Variants in IPO11 observed in about 807,000 individuals in gnomAD.
IPO11 encodes importin-11.
In IPO11, 66 loss-of-function variants were observed where a neutral mutation model predicts 143.2. The observed-to-expected ratio is 0.46, with a 90% confidence interval of 0.38 to 0.57. The LOEUF (loss-of-function observed/expected upper bound fraction) is 0.57. Ranked by LOEUF, IPO11 falls within the 20% of genes least tolerant of loss-of-function variation. The probability of loss-of-function intolerance (pLI) is 0.00; values close to 1 mark genes in which losing one functional copy is unlikely to be tolerated. For synonymous variants in IPO11, 385 were observed against 377.8 expected (o/e 1.02, Z -0.22); for missense variants, 1,026 against 1,141.0 (o/e 0.90, Z 1.45).
intron 24 of IPO11, among the ~76,000 whole-genome samples, chr5:62,541,855 A>G (rs1342524065): frequency 1.3e-5 from 2 of 152,202 alleles, no homozygotes; most frequent in African/African-American, 4.8e-5. Flanking sequence ...TATGTTACAG[A>G]TTAAGGCAAT....
chr5:62,524,248 A>G (rs557051064), intron 20 of IPO11, among the ~76,000 whole-genome samples: 2 of 152,096 alleles, frequency 1.3e-5, no homozygotes, highest in South Asian at 2.1e-4. Context: ...TGATTAAGAC[A>G]GTGTGTTATA....
At chr5:62,440,922 C>T (rs1490975891) in intron 2 of IPO11, among the ~76,000 whole-genome samples, 1 of 151,596 alleles carries the variant, frequency 6.6e-6, no homozygotes, top group African/African-American at 2.4e-5. Flanking sequence ...AAGATCGCGC[C>T]ACTGCACTCC....
At chr5:62,482,236 G>C (rs1039474134) in intron 9 of IPO11, among the ~76,000 whole-genome samples, 1 of 152,116 alleles carries the variant, frequency 6.6e-6, no homozygotes. Context: ...CAAAAAACCA[G>C]CTCCTGGATT....
intron 27 of IPO11, chr5:62,578,968 C>G: frequency 1.3e-5 from 3 of 239,236 alleles, no homozygotes; most frequent in Non-Finnish European, 2.5e-5. Context: ...GAACTTCTAG[C>G]TGACATGAAA....
intron 27 of IPO11, among the ~76,000 whole-genome samples, chr5:62,567,765 T>C (rs1345341693): frequency 2.6e-5 from 4 of 151,786 alleles, no homozygotes; most frequent in Non-Finnish European, 5.9e-5. Flanking sequence ...TTTAGCCATG[T>C]TGGTCAGGCT....
At chr5:62,566,033 G>A (rs1018625553) in intron 27 of IPO11, among the ~76,000 whole-genome samples, 9 of 152,140 alleles carry the variant, frequency 5.9e-5, no homozygotes, top group Non-Finnish European at 1.0e-4. Context: ...TATCACTGAT[G>A]GGCATTTGGG....
intron 29 of IPO11, among the ~76,000 whole-genome samples, chr5:62,615,632 A>G (rs1232975263): frequency 2.0e-5 from 3 of 152,232 alleles, no homozygotes; most frequent in Admixed American, 2.0e-4. Flanking sequence ...ATTAGCTTTT[A>G]TTAGTGATTC....
chr5:62,452,140 G>GGCTCACAGTGTAGAGCCTCTTGTTTGAGT (rs1744954912), intron 5 of IPO11, among the ~76,000 whole-genome samples: 2 of 144,568 alleles, frequency 1.4e-5, no homozygotes, highest in African/African-American at 2.9e-5. Context: ...AGCTACTCAG[G>GGCTCACAGTGTAGAGCCTCTTGTTTGAGT]AGGCTGAAGC....
At chr5:62,567,643 A>G (rs1260363017) in intron 27 of IPO11, among the ~76,000 whole-genome samples, 4 of 144,326 alleles carry the variant, frequency 2.8e-5, no homozygotes, top group Admixed American at 1.4e-4. Flanking sequence ...GCCCACTGCA[A>G]CCTCCGCCGC....
chr5:62,435,685 AC>A (rs1189790248), intron 1 of IPO11, among the ~76,000 whole-genome samples: 1 of 150,958 alleles, frequency 6.6e-6, no homozygotes. Context: ...AGATCGTGCC[AC>A]TGCACTCCAG....
At chr5:62,553,139 C>T (rs1743447357) in intron 26 of IPO11, among the ~76,000 whole-genome samples, 2 of 152,222 alleles carry the variant, frequency 1.3e-5, no homozygotes. Flanking sequence ...AGTCTAGTAA[C>T]CACTATTCTA....
chr5:62,516,215 T>A (rs937315181), intron 20 of IPO11, among the ~76,000 whole-genome samples: 7 of 152,218 alleles, frequency 4.6e-5, no homozygotes, highest in African/African-American at 1.7e-4. Context: ...CTAAAATTAG[T>A]TTAGAAAAAA....
intron 17 of IPO11, 58 bp from the exon 18 acceptor site, chr5:62,504,800 A>G (rs551201878): frequency 7.4e-7 from 1 of 1,344,808 alleles, no homozygotes; most frequent in Non-Finnish European, 1.0e-6. Flanking sequence ...CTTGTTTTAG[A>G]TACAGATTTA....
intron 3 of IPO11, among the ~76,000 whole-genome samples, chr5:62,447,050 T>C (rs1383749471): frequency 6.6e-6 from 1 of 152,074 alleles, no homozygotes; most frequent in Non-Finnish European, 1.5e-5. Flanking sequence ...TTAATTTTAA[T>C]GAAGTTTAAT....
intron 1 of IPO11, among the ~76,000 whole-genome samples, chr5:62,425,146 C>G (rs1215737757): frequency 2.6e-5 from 4 of 152,138 alleles, no homozygotes; most frequent in Non-Finnish European, 5.9e-5. Flanking sequence ...TTTGCTCTAT[C>G]CTCCTAAACC....
chr5:62,569,814 A>G (rs538133521), intron 27 of IPO11, among the ~76,000 whole-genome samples: 63 of 152,338 alleles, frequency 4.1e-4, no homozygotes, highest in African/African-American at 1.5e-3. Context: ...ATGGTTTACA[A>G]AGGGGCTATA....
intron 27 of IPO11, among the ~76,000 whole-genome samples, chr5:62,566,987 C>T (rs1223518637): frequency 6.6e-6 from 1 of 152,036 alleles, no homozygotes; most frequent in Non-Finnish European, 1.5e-5. Flanking sequence ...ACCACCATAC[C>T]CAGCTGTGTA....
intron 23 of IPO11, 35 bp from the exon 24 acceptor site, chr5:62,537,174 A>G: frequency 8.1e-7 from 1 of 1,240,942 alleles, no homozygotes; most frequent in East Asian, 2.3e-5. Context: ...TTACAGATAT[A>G]TTCTTACATA....
chr5:62,462,998 A>G (rs1280455937), intron 5 of IPO11, among the ~76,000 whole-genome samples: 1 of 151,976 alleles, frequency 6.6e-6, no homozygotes, highest in African/African-American at 2.4e-5. Flanking sequence ...ATTTACACAC[A>G]TATATTACTT....
Sources: allele counts gnomAD v4.1 joint callset (sites outside exome capture counted in the v4.1 genomes callset), GRCh38; gene constraint gnomAD v4.1.1; transcripts MANE v1.5; gene names NCBI Gene and HGNC (gene_info 2026-07-23, HGNC 2026-07-21).